Variants in FSTL4 observed in about 807,000 individuals in gnomAD.
FSTL4 encodes follistatin like 4, also known as follistatin-related protein 4.
A neutral mutation model predicts 78.2 loss-of-function variants in FSTL4; 28 were observed. The ratio of observed to expected loss-of-function variants is 0.36; its 90% confidence interval spans 0.27 to 0.49. FSTL4 has a LOEUF of 0.49. Ranked by LOEUF, FSTL4 falls within the 20% of genes least tolerant of loss-of-function variation. The pLI is 0.98. For synonymous variants in FSTL4, 422 were observed against 440.5 expected (o/e 0.96, Z 0.53); for missense variants, 922 against 1,084.9 (o/e 0.85, Z 2.11).
intron 14 of FSTL4, among the ~76,000 whole-genome samples, chr5:133,203,210 C>G (rs971063658): frequency 6.6e-6 from 1 of 152,102 alleles, no homozygotes; most frequent in Admixed American, 6.5e-5. Flanking sequence ...GGCCCCTGAA[C>G]GGGAATGTGA....
the FSTL4 span, among the ~76,000 whole-genome samples, chr5:133,797,948 C>T: frequency 6.6e-6 from 1 of 152,130 alleles, no homozygotes; most frequent in African/African-American, 2.4e-5. Flanking sequence ...CCACGAAAAC[C>T]CAGATATGCT....
intron 7 of FSTL4, among the ~76,000 whole-genome samples, chr5:133,240,008 T>C (rs7705415): frequency 0.055 from 8,447 of 152,314 alleles, 799 homozygotes; most frequent in African/African-American, 0.19. Flanking sequence ...TGGGATTCCT[T>C]TCCACGCAGT....
At chr5:133,536,836 A>G (rs1759359396) in intron 3 of FSTL4, among the ~76,000 whole-genome samples, 1 of 152,188 alleles carries the variant, frequency 6.6e-6, no homozygotes, top group Non-Finnish European at 1.5e-5. Flanking sequence ...TTATCACTGT[A>G]GACTATATCA....
chr5:133,503,382 G>A (rs1289120463), intron 3 of FSTL4, among the ~76,000 whole-genome samples: 3 of 152,024 alleles, frequency 2.0e-5, no homozygotes, highest in African/African-American at 7.2e-5. Context: ...TCAAACAAGC[G>A]GCTCACAAAA....
At chr5:133,726,287 T>C in the FSTL4 span, among the ~76,000 whole-genome samples, 2 of 152,184 alleles carry the variant, frequency 1.3e-5, no homozygotes, top group South Asian at 4.1e-4. Flanking sequence ...AACCCTAGAT[T>C]AGGCAGCTAT....
chr5:133,659,956 A>G, the FSTL4 span, among the ~76,000 whole-genome samples: 1 of 152,234 alleles, frequency 6.6e-6, no homozygotes, highest in Admixed American at 6.5e-5. Context: ...GTCAGCAAAG[A>G]ACAGAACAAA....
intron 6 of FSTL4, among the ~76,000 whole-genome samples, chr5:133,306,299 G>A (rs1409780488): frequency 6.6e-6 from 1 of 152,198 alleles, no homozygotes; most frequent in African/African-American, 2.4e-5. Flanking sequence ...GCTGAGGAGC[G>A]GGCTAAGCGA....
chr5:133,729,196 C>A, the FSTL4 span, among the ~76,000 whole-genome samples: 3 of 150,748 alleles, frequency 2.0e-5, no homozygotes, highest in Non-Finnish European at 2.9e-5. Flanking sequence ...TTGCCTGGCA[C>A]ATGAATTCCT....
At chr5:133,501,954 A>C (rs1285408713) in intron 3 of FSTL4, among the ~76,000 whole-genome samples, 1 of 152,206 alleles carries the variant, frequency 6.6e-6, no homozygotes, top group Non-Finnish European at 1.5e-5. Context: ...CACACAGGGA[A>C]GAGACCATGT....
the FSTL4 span, among the ~76,000 whole-genome samples, chr5:133,643,687 T>C: frequency 6.6e-6 from 1 of 152,096 alleles, no homozygotes; most frequent in Non-Finnish European, 1.5e-5. Flanking sequence ...ACACAAGAAC[T>C]ATGTCCTGTA....
chr5:133,690,970 G>T, the FSTL4 span, among the ~76,000 whole-genome samples: 9 of 152,214 alleles, frequency 5.9e-5, no homozygotes, highest in African/African-American at 2.2e-4. Flanking sequence ...CTCCATAAAA[G>T]ATGAGCTAAC....
At chr5:133,550,535 G>A (rs951110364) in intron 3 of FSTL4, among the ~76,000 whole-genome samples, 11 of 152,174 alleles carry the variant, frequency 7.2e-5, no homozygotes, top group African/African-American at 2.7e-4. Context: ...CTAATATAGA[G>A]CCTACTCAGA....
chr5:133,660,699 C>T, the FSTL4 span, among the ~76,000 whole-genome samples: 1 of 152,198 alleles, frequency 6.6e-6, no homozygotes, highest in Non-Finnish European at 1.5e-5. Flanking sequence ...TTCCTGAGGC[C>T]TACTACTTTT....
intron 3 of FSTL4, among the ~76,000 whole-genome samples, chr5:133,422,308 C>T (rs1756713836): frequency 1.3e-5 from 2 of 151,988 alleles, no homozygotes; most frequent in African/African-American, 4.8e-5. Flanking sequence ...TGCATGCTGG[C>T]TGCTGGGTGG....
intron 6 of FSTL4, among the ~76,000 whole-genome samples, chr5:133,292,786 C>T (rs1261898751): frequency 1.3e-5 from 2 of 151,286 alleles, no homozygotes; most frequent in Non-Finnish European, 2.9e-5. Context: ...TGACTCTTTA[C>T]AGCAACTCCC....
At chr5:133,665,591 C>G in the FSTL4 span, among the ~76,000 whole-genome samples, 2 of 152,212 alleles carry the variant, frequency 1.3e-5, no homozygotes, top group Non-Finnish European at 2.9e-5. Context: ...CTGGTGGCTA[C>G]TGGCATCAAG....
At chr5:133,800,869 A>T in the FSTL4 span, among the ~76,000 whole-genome samples, 2 of 151,860 alleles carry the variant, frequency 1.3e-5, no homozygotes, top group Non-Finnish European at 2.9e-5. Flanking sequence ...GTCATGGCAA[A>T]GCTGCTCAGC....
chr5:133,716,545 C>T, the FSTL4 span, among the ~76,000 whole-genome samples: 6 of 152,166 alleles, frequency 3.9e-5, 1 homozygote, highest in African/African-American at 7.2e-5. Flanking sequence ...GACCACGGAA[C>T]TACTTCTGTG....
chr5:133,363,368 C>T (rs536725724), intron 4 of FSTL4, among the ~76,000 whole-genome samples: 61 of 152,022 alleles, frequency 4.0e-4, no homozygotes, highest in Non-Finnish European at 7.6e-4. Context: ...GAGTCATTTA[C>T]GGTAGCCCCC....
Sources: allele counts gnomAD v4.1 joint callset (sites outside exome capture counted in the v4.1 genomes callset), GRCh38; gene constraint gnomAD v4.1.1; transcripts MANE v1.5; gene names NCBI Gene and HGNC (gene_info 2026-07-23, HGNC 2026-07-21).